Variants in CNIH3 observed in about 807,000 individuals in gnomAD.
CNIH3 encodes protein cornichon homolog 3.
CNIH3 carries 14 observed loss-of-function variants against 24.1 expected under a neutral mutation model. The observed-to-expected ratio is 0.58, with a 90% confidence interval of 0.38 to 0.91. The LOEUF (loss-of-function observed/expected upper bound fraction) is 0.91, where lower values mean the gene tolerates loss of function less well. Among genes scored for constraint, CNIH3 ranks in the 40% least tolerant of loss-of-function variants. The pLI is 0.00. For synonymous variants in CNIH3, 68 were observed against 73.8 expected (o/e 0.92, Z 0.40); for missense variants, 178 against 196.8 (o/e 0.90, Z 0.57).
intron 3 of CNIH3, among the ~76,000 whole-genome samples, chr1:224,559,213 A>G (rs970566408): frequency 6.6e-6 from 1 of 152,166 alleles, no homozygotes; most frequent in Non-Finnish European, 1.5e-5. Flanking sequence ...TTTGGGTTCT[A>G]GGCAGACAGT....
chr1:224,516,744 T>C (rs747591006), intron 1 of CNIH3, among the ~76,000 whole-genome samples: 3 of 152,222 alleles, frequency 2.0e-5, no homozygotes, highest in Non-Finnish European at 4.4e-5. Flanking sequence ...AGAACAGCGC[T>C]GAACAGATGG....
chr1:224,666,255 G>A (rs1374372664), intron 1 of CNIH3, among the ~76,000 whole-genome samples: 1 of 152,138 alleles, frequency 6.6e-6, no homozygotes, highest in Non-Finnish European at 1.5e-5. Flanking sequence ...TGAGCATGCA[G>A]ACAGCTGGTA....
upstream of CNIH3, among the ~76,000 whole-genome samples, chr1:224,515,361 G>A (rs1343601055): frequency 6.6e-6 from 1 of 152,204 alleles, no homozygotes. Flanking sequence ...GTAAAGAAAA[G>A]GAAAGCAGTA....
chr1:224,509,265 A>G (rs1678042598), intron 1 of CNIH3, among the ~76,000 whole-genome samples: 1 of 152,200 alleles, frequency 6.6e-6, no homozygotes, highest in Admixed American at 6.5e-5. Flanking sequence ...GGAGGTTTGC[A>G]GTGAGCTGAG....
chr1:224,570,742 T>C (rs929868971), intron 4 of CNIH3, among the ~76,000 whole-genome samples: 4 of 152,212 alleles, frequency 2.6e-5, no homozygotes, highest in Non-Finnish European at 5.9e-5. Context: ...AAACTATTTA[T>C]ACAACAACTT....
chr1:224,473,397 A>C (rs1676444637), intron 1 of CNIH3, among the ~76,000 whole-genome samples: 1 of 152,206 alleles, frequency 6.6e-6, no homozygotes, highest in Non-Finnish European at 1.5e-5. Context: ...TGAATGGATT[A>C]AAAACAAAAC....
chr1:224,686,441 A>G (rs1324113007), intron 3 of CNIH3, among the ~76,000 whole-genome samples: 1 of 152,074 alleles, frequency 6.6e-6, no homozygotes, highest in African/African-American at 2.4e-5. Flanking sequence ...AGTCTTTGCT[A>G]TTGTGAATAG....
At chr1:224,602,540 G>T (rs534096067) in intron 3 of CNIH3, among the ~76,000 whole-genome samples, 1 of 152,212 alleles carries the variant, frequency 6.6e-6, no homozygotes, top group African/African-American at 2.4e-5. Context: ...AAGTTGTCTG[G>T]GAAGAATAAT....
chr1:224,540,421 A>C (rs1572440909), downstream of CNIH3, among the ~76,000 whole-genome samples: 1 of 152,230 alleles, frequency 6.6e-6, no homozygotes, highest in Non-Finnish European at 1.5e-5. Context: ...GGATGAGTTT[A>C]AATGGGACAT....
At chr1:224,652,045 C>T (rs1331672667) in intron 1 of CNIH3, among the ~76,000 whole-genome samples, 1 of 152,102 alleles carries the variant, frequency 6.6e-6, no homozygotes, top group Non-Finnish European at 1.5e-5. Context: ...TTGTCACACT[C>T]CTTAGCCAAC....
rs549053578 is a variant in CNIH3, at chr1:224,688,521, G to A, written c.198+3678G>A. Among the ~76,000 whole-genome samples, 5 of 152,320 alleles carry A rather than the reference G, an allele frequency of 3.3e-5. No individual in the cohort carries two copies. The East Asian group carries it at 7.7e-4, about 24-fold the overall frequency. On this transcript the variant is annotated intron_variant, in intron 3 of 5. Coordinates refer to ENST00000272133, the MANE Select transcript of CNIH3 (RefSeq NM_152495.2). ...ATTTACTAAGTAAGTGAGTGAATGA[G>A]TGCCAACTTTCTGGGACTTCTGTCA...
At chr1:224,571,655 G>A (rs2125000911) in intron 4 of CNIH3, among the ~76,000 whole-genome samples, 1 of 152,284 alleles carries the variant, frequency 6.6e-6, no homozygotes, top group Non-Finnish European at 1.5e-5. Flanking sequence ...AACCTAGGAG[G>A]CGGAGGTTGC....
At chr1:224,720,383 T>A (rs752091495) in intron 3 of CNIH3, among the ~76,000 whole-genome samples, 1 of 151,926 alleles carries the variant, frequency 6.6e-6, no homozygotes, top group Non-Finnish European at 1.5e-5. Context: ...TCTGGAAACA[T>A]CAGGTTCTTG....
At chr1:224,465,054 A>T (rs1676099033) in intron 1 of CNIH3, among the ~76,000 whole-genome samples, 1 of 151,956 alleles carries the variant, frequency 6.6e-6, no homozygotes, top group Non-Finnish European at 1.5e-5. Context: ...TTAGCCACCT[A>T]AAGTGCTGAG....
intron 2 of CNIH3, among the ~76,000 whole-genome samples, chr1:224,682,045 C>T (rs373269592): frequency 1.3e-5 from 2 of 152,070 alleles, no homozygotes; most frequent in African/African-American, 4.8e-5. Flanking sequence ...ATGTTTGTGG[C>T]GTCATTCAGC....
intron 3 of CNIH3, among the ~76,000 whole-genome samples, chr1:224,723,956 C>T (rs923113887): frequency 3.9e-5 from 6 of 152,130 alleles, no homozygotes; most frequent in South Asian, 2.1e-4. Flanking sequence ...TGGTTCACGC[C>T]GCTAATCCCC....
At chr1:224,555,034 AT>A (rs1680080957) in intron 3 of CNIH3, among the ~76,000 whole-genome samples, 1 of 152,118 alleles carries the variant, frequency 6.6e-6, no homozygotes, top group Admixed American at 6.6e-5. Context: ...GGGTTTTGGT[AT>A]TTGTTGGGGG....
chr1:224,719,071 C>A (rs1270047663), intron 3 of CNIH3: 1 of 152,176 alleles, frequency 6.6e-6, no homozygotes, highest in Non-Finnish European at 1.5e-5. Flanking sequence ...GTGCCTGCCA[C>A]AGTGTTTGAC....
At chr1:224,513,052 C>T (rs1435012797), upstream of CNIH3, among the ~76,000 whole-genome samples, 1 of 152,220 alleles carries the variant, frequency 6.6e-6, no homozygotes, top group Non-Finnish European at 1.5e-5. Flanking sequence ...TGGTAACTGA[C>T]ATTATTAACC....
Sources: allele counts gnomAD v4.1 joint callset (sites outside exome capture counted in the v4.1 genomes callset), GRCh38; gene constraint gnomAD v4.1.1; transcripts MANE v1.5; gene names NCBI Gene and HGNC (gene_info 2026-07-23, HGNC 2026-07-21).